The following GCN1 variants were observed in gnomAD, a reference collection of about 807,000 sequenced individuals.
The protein encoded by GCN1 is GCN1 activator of EIF2AK4.
In GCN1, 90 loss-of-function variants were observed where a neutral mutation model predicts 288.4. The ratio of observed to expected loss-of-function variants is 0.31; its 90% CI spans 0.26 to 0.37. The LOEUF (loss-of-function observed/expected upper bound fraction) is 0.37. Among genes scored for constraint, GCN1 ranks in the 10% least tolerant of loss-of-function variants. The pLI is 1.00. For missense variants in GCN1, 2,586 were observed against 3,419.9 expected, an observed-to-expected ratio of 0.76 and a Z score of 6.08; for synonymous variants, 1,386 against 1,420.2, an observed-to-expected ratio of 0.98 and a Z score of 0.54.
intron 4 of GCN1, 70 bp from the exon 5 acceptor site, chr12:120,183,747 G>A: frequency 1.1e-6 from 1 of 897,928 alleles, no homozygotes; most frequent in South Asian, 1.3e-5. Flanking sequence ...TGTCCCTAAG[G>A]CCCCGCCTGG....
Position 120,162,015 on chromosome 12 carries a change from T to A in GCN1, c.2207A>T (p.Asp736Val), listed in dbSNP as rs1566309874. The A allele has an allele frequency of 1.1e-5, 17 of 1,613,686 alleles. No homozygotes were observed. The highest frequency in any genetic ancestry group is 1.4e-5 in the Non-Finnish European group (17 of 1,180,022). The part of the protein sequence containing the change: ...AMGSLSVLSP[D>V]RVLPQLISTI... ...GCTGATGAGCTGTGGGAGGACCCGG[T>A]CCGGCGACAGGACGGAAAGGGAGCC... The change falls in exon 21 of 58, where the codon GAC (aspartate) becomes GTC (valine). Residue 736 changes from aspartate to valine, a missense_variant. Asp to Val is a radical substitution (Grantham distance 152, BLOSUM62 -3). This residue lies in a region of GCN1 where 913 missense variants were observed against 1,107.0 expected (regional missense o/e 0.82). Transcript: ENST00000300648.
chr12:120,164,867 T>G (rs1878050729), intron 16 of GCN1, 146 bp from the exon 17 acceptor site: 3 of 407,176 alleles, frequency 7.4e-6, no homozygotes, highest in Non-Finnish European at 1.3e-5. Flanking sequence ...TACAGCTTGT[T>G]TTTTTTTTTT....
intron 16 of GCN1, among the ~76,000 whole-genome samples, chr12:120,167,129 CG>C (rs1177320771): frequency 6.6e-6 from 1 of 151,670 alleles, no homozygotes; most frequent in African/African-American, 2.4e-5. Flanking sequence ...CACCTGAGGT[CG>C]GGAGTTCGAG....
At chr12:120,154,623 G>A (rs973155784) in intron 31 of GCN1, among the ~76,000 whole-genome samples, 2 of 152,254 alleles carry the variant, frequency 1.3e-5, no homozygotes, top group Non-Finnish European at 1.5e-5. Context: ...GGGAAAAGGA[G>A]AAACACGCTC....
chr12:120,178,712 C>A lies in GCN1; in HGVS notation c.573G>T (p.Glu191Asp), dbSNP rs762911046. The change falls in exon 7 of 58, where the codon GAG (glutamate) becomes GAT (aspartate). Residue 191 changes from glutamate to aspartate, a missense_variant. Glu to Asp is a conservative substitution (Grantham distance 45). Around this residue, in one of 8 missense-constraint regions of GCN1, gnomAD observed 913 missense variants for 1,107.0 expected, o/e 0.82. Coordinates refer to ENST00000300648, the MANE Select transcript of GCN1 (RefSeq NM_006836.2). ...EQYLSAILSL[E>D]PNQNYAGMLG... ...GCATGCCAGCATAGTTCTGGTTGGG[C>A]TCTAGGCTGAGAATGGCTGACAAGT... 3.1e-6 allele frequency: 5 copies of A among 1,614,130 alleles called. No homozygotes were observed. The highest frequency in any genetic ancestry group is 4.2e-6 in the Non-Finnish European group (5 of 1,179,944).
In GCN1 at chr12:120,155,315, C is replaced by T. The variant is rs1877707618; in HGVS notation, c.3556G>A (p.Ala1186Thr). The T allele has an allele frequency of 6.2e-7, 1 of 1,614,234 alleles. No individual in the cohort carries two copies. Among genetic ancestry groups the T allele is most frequent in the South Asian group, 1.1e-5 (1 of 91,090 alleles). ...RQAGAEALSQAVARYQRQAAE... is the reference protein window; with the variant it reads ...RQAGAEALSQTVARYQRQAAE... ...GCCTGCCGCTGGTAACGTGCCACTG[C>T]TTGGGAGAGGGCTTCGGCCCCTGCC... Residue 1186 changes from alanine to threonine, a missense_variant, in exon 30 of 58, where the codon GCA (alanine) becomes ACA (threonine). Ala to Thr is a moderately conservative substitution (Grantham distance 58). Coordinates refer to ENST00000300648, the MANE Select transcript of GCN1 (RefSeq NM_006836.2). This position sits in a 1 kb window ranked among gnomAD's most constrained non-coding sequence, Gnocchi z 4.9.
intron 53 of GCN1, among the ~76,000 whole-genome samples, chr12:120,132,230 G>T (rs1876850565): frequency 6.6e-6 from 1 of 152,226 alleles, no homozygotes; most frequent in African/African-American, 2.4e-5. Context: ...ACATTACACA[G>T]CCAGCACTTC....
In GCN1 at chr12:120,173,752, T is replaced by C. The variant is rs1325931265; in HGVS notation, c.1267A>G (p.Lys423Glu). ...TTTTTGAACCATTCAGTGAGCTTCT[T>C]GGGCACTTCCATAGTGAATCGGTTA... ...WCNRFTMEVP[K>E]KLTEWFKKAF... Residue 423 changes from lysine to glutamate, a missense_variant, in exon 14 of 58, where the codon AAG becomes GAG. Physicochemically the swap from Lys to Glu is moderately conservative, Grantham distance 56 (BLOSUM62 1). Coordinates refer to ENST00000300648, the MANE Select transcript of GCN1 (RefSeq NM_006836.2). 5.6e-6 allele frequency: 9 copies of C among 1,613,296 alleles called. No individual in the cohort carries two copies. The highest frequency in any genetic ancestry group is 7.6e-6 in the Non-Finnish European group (9 of 1,179,208).
At chr12:120,159,762 AC>A in intron 24 of GCN1, 62 bp downstream of exon 24, 1 of 1,413,160 alleles carries the variant, frequency 7.1e-7, no homozygotes, top group South Asian at 1.2e-5. Context: ...TCAGGGGCAC[AC>A]CCTGTCCAAG....
intron 13 of GCN1, 50 bp downstream of exon 13, chr12:120,174,021 C>T (rs1169403743): frequency 9.9e-6 from 12 of 1,216,392 alleles, no homozygotes; most frequent in South Asian, 2.5e-5. Flanking sequence ...TGAAAAACCA[C>T]GGTCAAGGAT....
Position 120,143,587 on chromosome 12 carries a change from G to GAAA in GCN1, c.5496-647_5496-646insTTT, listed in dbSNP as rs554287116. Among the ~76,000 whole-genome samples the GAAA allele has an allele frequency of 3.0e-3, 404 of 132,700 alleles. 7 individuals are homozygous for GAAA. The highest frequency in any genetic ancestry group is 0.012 in the African/African-American group (393 of 32,188). The allele number at this position is 132,700 out of a possible 152,430, so 87.1% of individuals were successfully genotyped here. ...ACAGAGCGAGACTCCGTCTCAAAAA[G>GAAA]GAAAAAAAAAAAAAAAAGACCACTG... is the stretch of plus-strand genomic sequence containing the variant. On this transcript the variant is annotated intron_variant, in intron 42 of 57. Coordinates refer to ENST00000300648, the MANE Select transcript of GCN1 (RefSeq NM_006836.2).
chr12:120,173,167 C>T (rs956336874), intron 14 of GCN1, among the ~76,000 whole-genome samples: 4 of 151,894 alleles, frequency 2.6e-5, no homozygotes, highest in Non-Finnish European at 2.9e-5. Context: ...TCAATTCTCC[C>T]TGCCTCAGCC....
chr12:120,147,045 C>CTACTA lies in GCN1; in HGVS notation c.4947+6_4947+7insTAGTA. On this transcript the variant is annotated splice_region_variant and intron_variant, in intron 38 of 57. Transcript: ENST00000300648. Reference sequence around the variant, plus strand: ...CTATCCCACACTAGCCTCAGCTGGGCCGCTACCTTCTGGTCTGTCAGGGAG... The same window carrying CTACTA: ...CTATCCCACACTAGCCTCAGCTGGGCTACTACGCTACCTTCTGGTCTGTCAGGGAG... The CTACTA allele has an allele frequency of 6.6e-7, 1 of 1,516,364 alleles. No individual in the cohort carries two copies. The highest frequency in any genetic ancestry group is 8.9e-7 in the Non-Finnish European group (1 of 1,119,180). 93.9% of individuals were successfully genotyped at this position (1,516,364 alleles called of 1,614,324 possible).
At chr12:120,169,155 C>T (rs1029965512) in intron 15 of GCN1, among the ~76,000 whole-genome samples, 3 of 151,608 alleles carry the variant, frequency 2.0e-5, no homozygotes, top group African/African-American at 7.3e-5. Flanking sequence ...ATTAGCCGCG[C>T]GTGGCGGCGT....
chr12:120,141,246 C>CA (rs1479389020), intron 44 of GCN1, among the ~76,000 whole-genome samples: 1 of 152,122 alleles, frequency 6.6e-6, no homozygotes. Flanking sequence ...CACAACCTAA[C>CA]ATTAAGAGCC....
intron 2 of GCN1, among the ~76,000 whole-genome samples, chr12:120,187,901 A>AAC (rs1878872084): frequency 6.6e-6 from 1 of 150,912 alleles, no homozygotes; most frequent in Non-Finnish European, 1.5e-5. Flanking sequence ...AAAAAAAAAA[A>AAC]CAAAAAACTA....
chr12:120,162,708 T>C (rs949448202), intron 20 of GCN1, 139 bp downstream of exon 20: 4 of 962,778 alleles, frequency 4.2e-6, no homozygotes, highest in Admixed American at 2.5e-5. Context: ...CCAGTTTACA[T>C]TTCTGTCACG....
At chr12:120,181,303 A>G (rs1323144558) in intron 5 of GCN1, among the ~76,000 whole-genome samples, 5 of 151,366 alleles carry the variant, frequency 3.3e-5, no homozygotes, top group African/African-American at 1.2e-4. Flanking sequence ...CCATCTCTAA[A>G]AAAATACAAA....
chr12:120,164,318 G>C lies in GCN1; in HGVS notation c.1848+18C>G, dbSNP rs747630069. On this transcript the variant is annotated intron_variant, in intron 18 of 57. Coordinates refer to ENST00000300648, the MANE Select transcript of GCN1 (RefSeq NM_006836.2). ...AGTGGATCCAAGAGCCCCAGTTCTA[G>C]AGCCCAGATGCCCTCACCTTGTGAG... 8 of 1,603,716 alleles carry C rather than the reference G, an allele frequency of 5.0e-6. No individual in the cohort carries two copies. The highest frequency in any genetic ancestry group is 4.0e-5 in the African/African-American group (3 of 74,616).
Sources: gnomAD v4.1 joint callset for allele counts (sites outside exome capture counted in the v4.1 genomes callset) on GRCh38, gnomAD v4.1.1 for gene constraint, gnomAD v4.1.1 regional missense constraint, Gnocchi (gnomAD v3.1) non-coding constraint, MANE v1.5 for transcripts, NCBI Gene and HGNC (gene_info 2026-07-23, HGNC 2026-07-21) for gene names.